TTC39B: variants seen among roughly 807,000 people sequenced by gnomAD.
TTC39B encodes tetratricopeptide repeat domain 39B.
In TTC39B, 92 loss-of-function variants were observed where a neutral mutation model predicts 96.6. That is an observed-to-expected ratio of 0.95 (90% CI 0.80 to 1.13). The LOEUF (loss-of-function observed/expected upper bound fraction) is 1.13, where lower values mean the gene tolerates loss of function less well. TTC39B is among the 50% of genes most tolerant of loss of function. The probability of loss-of-function intolerance (pLI) is 0.00; values close to 1 mark genes in which losing one functional copy is unlikely to be tolerated. For missense variants in TTC39B, 955 were observed against 809.3 expected (o/e 1.18, Z -2.18); for synonymous variants, 367 against 299.4 (o/e 1.23, Z -2.33).
intron 14 of TTC39B, 73 bp from the exon 15 acceptor site, chr9:15,187,108 G>A (rs1818571387): frequency 3.8e-6 from 4 of 1,063,066 alleles, no homozygotes; most frequent in Non-Finnish European, 1.4e-6. Flanking sequence ...AATCAGGAAT[G>A]ACCAACAAGT....
intron 8 of TTC39B, among the ~76,000 whole-genome samples, chr9:15,197,904 A>G (rs1298013084): frequency 1.3e-5 from 2 of 152,208 alleles, no homozygotes; most frequent in Non-Finnish European, 2.9e-5. Context: ...ATAAGCTTGA[A>G]AAGAAAAAGT....
At chr9:15,233,365 C>A (rs1821542890) in intron 2 of TTC39B, among the ~76,000 whole-genome samples, 1 of 152,090 alleles carries the variant, frequency 6.6e-6, no homozygotes, top group Non-Finnish European at 1.5e-5. Flanking sequence ...TCCCCACGGT[C>A]TCCCTCTCCC....
intron 1 of TTC39B, among the ~76,000 whole-genome samples, chr9:15,271,337 T>C (rs34621012): frequency 0.091 from 13,829 of 152,256 alleles, 812 homozygotes; most frequent in Non-Finnish European, 0.11. Context: ...CGAAAAAGAC[T>C]ACCTCAAAGA....
At chr9:15,281,956 G>A (rs1482620841) in intron 1 of TTC39B, among the ~76,000 whole-genome samples, 1 of 152,110 alleles carries the variant, frequency 6.6e-6, no homozygotes, top group Non-Finnish European at 1.5e-5. Context: ...GAGATTACAG[G>A]CATGAGCCAC....
intron 8 of TTC39B, among the ~76,000 whole-genome samples, chr9:15,195,202 T>C (rs1359946751): frequency 1.3e-5 from 2 of 152,184 alleles, no homozygotes; most frequent in Non-Finnish European, 2.9e-5. Flanking sequence ...AAAGCTGTAG[T>C]GGTCTGGATA....
At chr9:15,270,666 G>C (rs1823313651) in intron 1 of TTC39B, among the ~76,000 whole-genome samples, 1 of 150,910 alleles carries the variant, frequency 6.6e-6, no homozygotes, top group African/African-American at 2.4e-5. Flanking sequence ...TGTAGTCCCA[G>C]CTACTCGAGA....
intron 2 of TTC39B, among the ~76,000 whole-genome samples, chr9:15,233,669 C>A (rs1350468751): frequency 6.6e-6 from 1 of 152,210 alleles, no homozygotes; most frequent in Admixed American, 6.5e-5. Context: ...TCAATGGTGC[C>A]CAGGCTGGAG....
chr9:15,200,171 C>G lies in TTC39B; in HGVS notation c.760-246G>C, dbSNP rs114055518. Among the ~76,000 whole-genome samples the G allele has an allele frequency of 9.1e-4, 138 of 152,224 alleles. 1 individual carries two copies. The highest frequency in any genetic ancestry group is 2.9e-3 in the African/African-American group (120 of 41,530). Reference sequence around the variant, plus strand: ...AAAATCCTTCGATTATTTTATATTACTAAGGAGGTAATCCTCACCAATTAG... The same window carrying G: ...AAAATCCTTCGATTATTTTATATTAGTAAGGAGGTAATCCTCACCAATTAG... On this transcript the variant is annotated intron_variant, in intron 7 of 19. Transcript: ENST00000512701.
chr9:15,244,800 G>A (rs747809515), intron 2 of TTC39B, among the ~76,000 whole-genome samples: 7 of 152,076 alleles, frequency 4.6e-5, no homozygotes, highest in Non-Finnish European at 1.0e-4. Context: ...GCAAATACAG[G>A]TTTTCAGTGG....
intron 12 of TTC39B, 26 bp downstream of exon 12, chr9:15,189,699 C>T: frequency 1.2e-6 from 2 of 1,614,024 alleles, no homozygotes; most frequent in Non-Finnish European, 1.7e-6. Flanking sequence ...ATGGTTGAAA[C>T]ATACACTTTG....
intron 1 of TTC39B, among the ~76,000 whole-genome samples, chr9:15,279,936 C>T (rs1823695472): frequency 1.4e-5 from 2 of 144,868 alleles, no homozygotes; most frequent in Admixed American, 7.1e-5. Flanking sequence ...CACTCTGTCA[C>T]CCAGGCTGGG....
intron 2 of TTC39B, among the ~76,000 whole-genome samples, chr9:15,267,039 A>G (rs1823160786): frequency 6.6e-6 from 1 of 152,196 alleles, no homozygotes; most frequent in Non-Finnish European, 1.5e-5. Context: ...AGATCGTGCC[A>G]CTGCACTCCA....
At chr9:15,238,229 C>G (rs1030670195) in intron 2 of TTC39B, among the ~76,000 whole-genome samples, 1 of 152,122 alleles carries the variant, frequency 6.6e-6, no homozygotes, top group African/African-American at 2.4e-5. Flanking sequence ...TTTCACCACT[C>G]TTATTCAACA....
chr9:15,218,945 C>A (rs1820686554), intron 3 of TTC39B, among the ~76,000 whole-genome samples: 1 of 152,064 alleles, frequency 6.6e-6, no homozygotes, highest in Non-Finnish European at 1.5e-5. Context: ...TCTCTTTCCT[C>A]TAGCAATCAT....
At chr9:15,206,535 A>G (rs1286871222) in intron 6 of TTC39B, among the ~76,000 whole-genome samples, 2 of 152,184 alleles carry the variant, frequency 1.3e-5, no homozygotes, top group African/African-American at 2.4e-5. Context: ...TTAGTTCTCA[A>G]AATTAGCCAT....
intron 2 of TTC39B, among the ~76,000 whole-genome samples, chr9:15,256,748 C>A (rs1423977004): frequency 6.6e-6 from 1 of 152,150 alleles, no homozygotes; most frequent in African/African-American, 2.4e-5. Context: ...GGCAAACACG[C>A]TCCAATCCGG....
At chr9:15,276,252 T>C (rs1017356110) in intron 1 of TTC39B, among the ~76,000 whole-genome samples, 24 of 152,350 alleles carry the variant, frequency 1.6e-4, no homozygotes, top group African/African-American at 5.8e-4. Context: ...AACTTCAGCA[T>C]GGGAGGGCCA....
chr9:15,184,851 G>C (rs1473753976), intron 16 of TTC39B, among the ~76,000 whole-genome samples: 1 of 152,158 alleles, frequency 6.6e-6, no homozygotes. Flanking sequence ...CATATACTGG[G>C]TTAAAATATA....
At chr9:15,197,563 T>C (rs1028006062) in intron 8 of TTC39B, among the ~76,000 whole-genome samples, 1 of 152,082 alleles carries the variant, frequency 6.6e-6, no homozygotes, top group African/African-American at 2.4e-5. Flanking sequence ...ATTTAAAACA[T>C]ATTTTTACAC....
Sources: allele counts gnomAD v4.1 joint callset (sites outside exome capture counted in the v4.1 genomes callset), GRCh38; gene constraint gnomAD v4.1.1; transcripts MANE v1.5; gene names NCBI Gene and HGNC (gene_info 2026-07-23, HGNC 2026-07-21).